CT45A1: variants seen among roughly 807,000 people sequenced by gnomAD.
The protein encoded by CT45A1 is cancer/testis antigen 45-1.
chrX:135,715,571 A>AGG (rs2087979934), intron 1 of CT45A1, among the ~76,000 whole-genome samples: 1 of 89,938 alleles, frequency 1.1e-5, no homozygotes, highest in Admixed American at 1.5e-4. Flanking sequence ...TAATACTTAT[A>AGG]TATATAATAC....
intron 1 of CT45A1, among the ~76,000 whole-genome samples, chrX:135,715,350 T>TTATATATAATATATATATAA (rs2087973617): frequency 6.4e-4 from 21 of 32,674 alleles, no homozygotes; most frequent in South Asian, 1.7e-3. Context: ...TATATAATAC[T>TTATATATAATATATATATAA]TACATATAAT....
chrX:135,714,223 G>A (rs1336628474), intron 1 of CT45A1, among the ~76,000 whole-genome samples: 4 of 109,737 alleles, frequency 3.6e-5, no homozygotes, highest in South Asian at 4.2e-4. Flanking sequence ...GATGTCGTCC[G>A]TGAGGCACAT....
chrX:135,709,881 A>G (rs1309610781), upstream of CT45A1, among the ~76,000 whole-genome samples: 2 of 112,131 alleles, frequency 1.8e-5, no homozygotes, highest in East Asian at 2.8e-4. Context: ...TTATAATTTT[A>G]AAAAGGTTAA....
chrX:135,714,841 T>G (rs1260309888), intron 1 of CT45A1, among the ~76,000 whole-genome samples: 1 of 109,194 alleles, frequency 9.2e-6, no homozygotes, highest in East Asian at 2.8e-4. Context: ...TATTGTTTTT[T>G]TTTTTTTTTG....
At chrX:135,717,456 G>A (rs1556571992) in intron 1 of CT45A1, among the ~76,000 whole-genome samples, 1 of 110,655 alleles carries the variant, frequency 9.0e-6, no homozygotes, top group Non-Finnish European at 1.9e-5. Context: ...GGCTGAGGCA[G>A]GAGAATTGCT....
chrX:135,713,849 C>T (rs2087955138), intron 1 of CT45A1, among the ~76,000 whole-genome samples, 159 bp downstream of exon 1: 1 of 110,976 alleles, frequency 9.0e-6, no homozygotes, highest in African/African-American at 3.3e-5. Flanking sequence ...TCTGGGGACA[C>T]CGCCATGGGC....
chrX:135,713,459 C>G, upstream of CT45A1: 1 of 152,212 alleles, frequency 6.6e-6, no homozygotes, highest in Non-Finnish European at 7.8e-6. Context: ...TCCCAGTGTT[C>G]GGCTGGGCCA....
At chrX:135,713,526 G>A (rs184919591), upstream of CT45A1, 41 of 733,387 alleles carry the variant, frequency 5.6e-5, no homozygotes, top group Middle Eastern at 7.8e-4. Context: ...AAACGGGATC[G>A]GTGCTTCTGG....
At chrX:135,718,358 G>C (rs1223372358) in intron 1 of CT45A1, among the ~76,000 whole-genome samples, 3 of 110,636 alleles carry the variant, frequency 2.7e-5, no homozygotes, top group African/African-American at 9.8e-5. Flanking sequence ...TTGTATTTTT[G>C]GCTTGATCTT....
At chrX:135,711,068 A>G (rs565399612), upstream of CT45A1, among the ~76,000 whole-genome samples, 663 of 111,892 alleles carry the variant, frequency 5.9e-3, 4 homozygotes, top group Middle Eastern at 0.028. Context: ...CAGGACTGTC[A>G]CATGCAGCTG....
upstream of CT45A1, among the ~76,000 whole-genome samples, chrX:135,710,724 G>A (rs1365329223): frequency 2.7e-5 from 3 of 112,391 alleles, no homozygotes; most frequent in Non-Finnish European, 5.6e-5. Flanking sequence ...TTAATATGTA[G>A]ATAATAAGTA....
chrX:135,717,662 C>A (rs2087998790), intron 1 of CT45A1, among the ~76,000 whole-genome samples: 1 of 112,047 alleles, frequency 8.9e-6, no homozygotes, highest in African/African-American at 3.2e-5. Context: ...TGTACCACAT[C>A]TTGATTAAAT....
chrX:135,714,043 G>T lies in CT45A1; in HGVS notation c.-7+353G>T, dbSNP rs192257083. 7.0e-3 allele frequency among the ~76,000 whole-genome samples: 760 copies of T among 108,006 alleles called. 5 individuals carry two copies. Among genetic ancestry groups the T allele is most frequent in the Non-Finnish European group, 0.011 (564 of 51,882 alleles). The allele number at this position is 108,006 out of a possible 115,157, so 93.8% of individuals were successfully genotyped here. The stretch of plus-strand genomic sequence containing the variant: ...TTGTGTCGGCCTCGGGTGCGGTGCT[G>T]TTTCTTTCCCACTCAGTCGCAGTCC... On this transcript the variant is annotated intron_variant, in intron 1 of 4. Transcript: ENST00000594565.
chrX:135,712,268 TCTCAA>T (rs2087939260), upstream of CT45A1, among the ~76,000 whole-genome samples: 4 of 89,847 alleles, frequency 4.5e-5, no homozygotes, highest in Non-Finnish European at 8.5e-5. Flanking sequence ...AAACTCCTAG[TCTCAA>T]GCCTCCTGGT....
intron 1 of CT45A1, among the ~76,000 whole-genome samples, chrX:135,718,147 C>T (rs146274100): frequency 9.0e-6 from 1 of 111,723 alleles, no homozygotes; most frequent in Non-Finnish European, 1.9e-5. Context: ...TGAAAATGAT[C>T]ATGTGGTGTT....
At chrX:135,715,350 T>TTATATATTATATATATATAA (rs2087973617) in intron 1 of CT45A1, among the ~76,000 whole-genome samples, 1 of 32,676 alleles carries the variant, frequency 3.1e-5, no homozygotes, top group Non-Finnish European at 5.2e-5. Context: ...TATATAATAC[T>TTATATATTATATATATATAA]TACATATAAT....
intron 1 of CT45A1, 63 bp from the exon 2 acceptor site, chrX:135,718,868 ATTGC>A (rs1322023374): frequency 8.5e-7 from 1 of 1,170,802 alleles, no homozygotes; most frequent in African/African-American, 1.8e-5. Context: ...ACATATGCAG[ATTGC>A]TTGCCATTTT....
At chrX:135,712,518 ATATT>A (rs201235232), upstream of CT45A1, among the ~76,000 whole-genome samples, 41 of 106,313 alleles carry the variant, frequency 3.9e-4, no homozygotes, top group Admixed American at 1.0e-3. Context: ...GGTTGAATTT[ATATT>A]TATTTATTTA....
intron 1 of CT45A1, among the ~76,000 whole-genome samples, chrX:135,716,273 T>A (rs1157731907): frequency 8.9e-6 from 1 of 111,766 alleles, no homozygotes; most frequent in Non-Finnish European, 1.9e-5. Context: ...TCCACAATGG[T>A]TGAACTAATT....
Sources: gnomAD v4.1 joint callset for allele counts (sites outside exome capture counted in the v4.1 genomes callset) on GRCh38, gnomAD v4.1.1 for gene constraint, MANE v1.5 for transcripts, NCBI Gene and HGNC (gene_info 2026-07-23, HGNC 2026-07-21) for gene names.